ZNF540: variants seen among roughly 807,000 people sequenced by gnomAD.
The protein encoded by ZNF540 is zinc finger protein 540.
Under a neutral mutation model 11.8 loss-of-function variants are expected in ZNF540, and 3 were observed. The observed-to-expected ratio is 0.25, with a 90% CI of 0.12 to 0.65. The LOEUF is 0.65. Ranked by LOEUF, ZNF540 falls within the 30% of genes least tolerant of loss-of-function variation. The pLI, the probability that ZNF540 is intolerant of heterozygous loss-of-function variation, is 0.83. For synonymous variants in ZNF540, 247 were observed against 259.0 expected, an observed-to-expected ratio of 0.95 and a Z score of 0.45; for missense variants, 709 against 793.1, an observed-to-expected ratio of 0.89 and a Z score of 1.27.
At chr19:37,566,327 T>C (rs1461421224) in intron 1 of ZNF540, 3 of 1,554,354 alleles carry the variant, frequency 1.9e-6, no homozygotes, top group Non-Finnish European at 2.6e-6. Flanking sequence ...CCTGCTTTTG[T>C]TTACAAGGAG....
chr19:37,594,470 G>A (rs1351534742), upstream of ZNF540: 1 of 152,386 alleles, frequency 6.6e-6, no homozygotes, highest in East Asian at 1.9e-4. Context: ...TCCGCGGCAG[G>A]GGCTCCAGGG....
chr19:37,563,741 AC>A (rs2042753372), intron 1 of ZNF540: 2 of 149,208 alleles, frequency 1.3e-5, no homozygotes, highest in African/African-American at 5.1e-5. Context: ...TGGAATATAT[AC>A]ACATGTGGAA....
intron 1 of ZNF540, among the ~76,000 whole-genome samples, chr19:37,552,980 T>G (rs1295622950): frequency 1.4e-5 from 2 of 146,228 alleles, no homozygotes; most frequent in African/African-American, 2.5e-5. Context: ...TATGTTCACA[T>G]AGCCATTTTG....
intron 1 of ZNF540, chr19:37,567,669 C>T (rs2042908290): frequency 6.6e-6 from 1 of 152,180 alleles, no homozygotes; most frequent in South Asian, 2.1e-4. Flanking sequence ...GTGGCCACCT[C>T]CTTTGCGTGT....
At chr19:37,610,823 T>G (rs1242895685) in intron 4 of ZNF540, among the ~76,000 whole-genome samples, 1 of 152,186 alleles carries the variant, frequency 6.6e-6, no homozygotes, top group African/African-American at 2.4e-5. Context: ...TCTCAAACTT[T>G]GATCTATATC....
At position 37,613,932 on chromosome 19, in the gene ZNF540, A is replaced by C; in HGVS notation, c.*669A>C. 2 of 398,512 alleles carry C rather than the reference A, an allele frequency of 5.0e-6. No individual in the cohort carries two copies. Among genetic ancestry groups the C allele is most frequent in the Admixed American group, 4.4e-5 (1 of 22,722 alleles). 24.7% of individuals were successfully genotyped at this position (398,512 alleles called of 1,614,324 possible). ...GTGGAATTACTGCCTTTATAAGAAG[A>C]AGCCAAAGAGCCAGCTAGCTCTTTC... On this transcript the variant is annotated 3_prime_UTR_variant, in exon 5 of 5. Transcript: ENST00000316433.
upstream of ZNF540, among the ~76,000 whole-genome samples, chr19:37,592,165 G>C (rs542533214): frequency 6.6e-6 from 1 of 152,092 alleles, no homozygotes; most frequent in Non-Finnish European, 1.5e-5. Context: ...GGTTGAGGCA[G>C]AAGAACCTTT....
rs750810659 is a variant in ZNF540, at chr19:37,583,956, G to A, written c.-72-14420G>A. On this transcript the variant is annotated intron_variant, in intron 1 of 4. Transcript: ENST00000592533. ...ATGGGGAACAAATTCTGAATATTAC[G>A]TAGGATGATCTTACCCAATGAGATC... 9.5e-6 allele frequency: 15 copies of A among 1,587,078 alleles called. No homozygotes were observed. In the Admixed American group the frequency reaches 1.6e-4, roughly 17 times the overall value.
intron 1 of ZNF540, among the ~76,000 whole-genome samples, chr19:37,570,862 C>T (rs564777644): frequency 1.0e-3 from 153 of 152,180 alleles, no homozygotes; most frequent in African/African-American, 3.5e-3. Context: ...TTTATATCCT[C>T]CATCTTTGAT....
At chr19:37,582,304 G>A (rs988866411) in intron 1 of ZNF540, among the ~76,000 whole-genome samples, 61 of 152,150 alleles carry the variant, frequency 4.0e-4, no homozygotes, top group African/African-American at 1.4e-3. Context: ...AATTTTCAGC[G>A]TTCCTCTTAC....
chr19:37,564,632 G>A, intron 1 of ZNF540: 2 of 1,564,796 alleles, frequency 1.3e-6, no homozygotes, highest in South Asian at 1.2e-5. Flanking sequence ...AGTAAGTTGT[G>A]AAGGACATCT....
chr19:37,556,063 C>T (rs896119986), intron 1 of ZNF540: 5 of 702,594 alleles, frequency 7.1e-6, no homozygotes, highest in Non-Finnish European at 1.0e-5. Flanking sequence ...CTTCCACATC[C>T]AGTTTGGCTC....
chr19:37,556,024 T>C, intron 1 of ZNF540: 1 of 702,360 alleles, frequency 1.4e-6, no homozygotes. Flanking sequence ...AAGTCAACAT[T>C]TTGGAGTCCT....
In ZNF540 at chr19:37,604,296, CTTTTT is replaced by C. The variant is rs769163050; in HGVS notation, c.232+3216_232+3220del. On this transcript the variant is annotated intron_variant, in intron 4 of 4. Transcript: ENST00000316433. Reference sequence around the variant, plus strand: ...CATAGAGCTTTGGAAAATAGCCTTACTTTTTTTTTTTTTTTTTTTTTTTTTTTTTA... The same window carrying C: ...CATAGAGCTTTGGAAAATAGCCTTACTTTTTTTTTTTTTTTTTTTTTTTTA... Among the ~76,000 whole-genome samples the C allele has an allele frequency of 8.2e-4, 62 of 75,268 alleles. 1 individual carries two copies. Among genetic ancestry groups the C allele is most frequent in the South Asian group, 5.5e-3 (13 of 2,382 alleles). The allele number at this position is 75,268 out of a possible 152,430, so 49.4% of individuals were successfully genotyped here. A position where few individuals can be genotyped will look rare whatever the true frequency, so the allele number is the denominator to read the frequency against.
chr19:37,604,596 C>T (rs997291292), intron 4 of ZNF540, among the ~76,000 whole-genome samples: 2 of 151,942 alleles, frequency 1.3e-5, no homozygotes, highest in African/African-American at 4.8e-5. Context: ...CATGAGCCAC[C>T]GCGCCTGGCC....
chr19:37,559,577 G>A (rs1443250566), intron 1 of ZNF540, among the ~76,000 whole-genome samples: 1 of 152,134 alleles, frequency 6.6e-6, no homozygotes, highest in Non-Finnish European at 1.5e-5. Context: ...AAAATATAAT[G>A]TACAGACCTT....
intron 4 of ZNF540, among the ~76,000 whole-genome samples, chr19:37,609,923 T>C (rs561519202): frequency 4.6e-5 from 7 of 152,122 alleles, no homozygotes; most frequent in South Asian, 4.1e-4. Flanking sequence ...GGCTGAATAA[T>C]AGTAAAACTC....
At position 37,614,104 on chromosome 19, in the gene ZNF540, G is replaced by C. The variant is rs2038557375; in HGVS notation, c.*841G>C. Reference sequence around the variant, plus strand: ...ACCTCAGTTGTTTATAAGCCACTGAGTCTACGATATTTTGTTATGCAGCCC... The same window carrying C: ...ACCTCAGTTGTTTATAAGCCACTGACTCTACGATATTTTGTTATGCAGCCC... On this transcript the variant is annotated 3_prime_UTR_variant, in exon 5 of 5. Transcript: ENST00000316433. The C allele has an allele frequency of 5.3e-6, 2 of 374,116 alleles. No homozygotes were observed. Among genetic ancestry groups the C allele is most frequent in the Middle Eastern group, 1.4e-3 (2 of 1,472 alleles). 23.2% of individuals were successfully genotyped at this position (374,116 alleles called of 1,614,324 possible). A position where few individuals can be genotyped will look rare whatever the true frequency, so the allele number is the denominator to read the frequency against.
At chr19:37,610,899 G>T (rs965613741) in intron 4 of ZNF540, 1 of 152,122 alleles carries the variant, frequency 6.6e-6, no homozygotes, top group Admixed American at 6.5e-5. Flanking sequence ...TGGTTCACTT[G>T]ACTTGTGTGT....
Sources: gnomAD v4.1 joint callset for allele counts (sites outside exome capture counted in the v4.1 genomes callset) on GRCh38, gnomAD v4.1.1 for gene constraint, MANE v1.5 for transcripts, NCBI Gene and HGNC (gene_info 2026-07-23, HGNC 2026-07-21) for gene names.